Variants in PSD2 observed in about 807,000 individuals in gnomAD.
PSD2 encodes the protein PH and SEC7 domain-containing protein 2.
PSD2 carries 38 observed loss-of-function variants against 69.8 expected under a neutral mutation model. The observed-to-expected ratio is 0.54, with a 90% CI of 0.42 to 0.71. The LOEUF is 0.71. PSD2 is among the 30% of genes least tolerant of loss of function. PSD2 has a pLI of 0.00. For missense variants in PSD2, 943 were observed against 1,014.5 expected, an observed-to-expected ratio of 0.93 and a Z score of 0.96; for synonymous variants, 412 against 423.0, an observed-to-expected ratio of 0.97 and a Z score of 0.32.
At chr5:139,759,437 C>G in the PSD2 span, among the ~76,000 whole-genome samples, 1 of 152,218 alleles carries the variant, frequency 6.6e-6, no homozygotes, top group South Asian at 2.1e-4. Flanking sequence ...CGGGACGCAC[C>G]GTATATCATG....
chr5:139,817,400 C>A, intron 4 of PSD2, 81 bp from the exon 5 acceptor site: 1 of 1,329,708 alleles, frequency 7.5e-7, no homozygotes, highest in Non-Finnish European at 1.1e-6. Context: ...TCCGGGTACC[C>A]TGGGCCCAAG....
the PSD2 span, among the ~76,000 whole-genome samples, chr5:139,748,838 G>A: frequency 6.6e-6 from 1 of 150,848 alleles, no homozygotes; most frequent in Non-Finnish European, 1.5e-5. Flanking sequence ...TCCTGAAAAG[G>A]GAAAAAACAG....
intron 7 of PSD2, among the ~76,000 whole-genome samples, chr5:139,824,123 GC>G (rs1561602285): frequency 6.6e-6 from 1 of 152,200 alleles, no homozygotes; most frequent in Non-Finnish European, 1.5e-5. Flanking sequence ...TTGCTGGCCT[GC>G]TTTGAAAGGA....
At chr5:139,790,088 GGGGCCA>G in the PSD2 span, among the ~76,000 whole-genome samples, 1 of 152,030 alleles carries the variant, frequency 6.6e-6, no homozygotes, top group African/African-American at 2.4e-5. Context: ...AGGAGTGGTG[GGGGCCA>G]GATCTTATGG....
At chr5:139,746,728 G>A in the PSD2 span, among the ~76,000 whole-genome samples, 1 of 152,170 alleles carries the variant, frequency 6.6e-6, no homozygotes, top group African/African-American at 2.4e-5. The surrounding 1 kb of genome is among the most constrained non-coding windows in gnomAD (Gnocchi z 4.5). Context: ...TGTGATGGCC[G>A]CGCAGCACCC....
At chr5:139,791,988 G>C (rs1332213168), upstream of PSD2, among the ~76,000 whole-genome samples, 3 of 152,180 alleles carry the variant, frequency 2.0e-5, no homozygotes, top group African/African-American at 4.8e-5. Context: ...AGCCAAATGA[G>C]AGTGCGTGAA....
intron 7 of PSD2, among the ~76,000 whole-genome samples, chr5:139,823,378 C>T (rs943841956): frequency 1.2e-4 from 19 of 152,230 alleles, no homozygotes; most frequent in African/African-American, 4.6e-4. Flanking sequence ...TGTTGCCCTT[C>T]TGTGTCCCCC....
chr5:139,789,204 C>T, the PSD2 span, among the ~76,000 whole-genome samples: 4 of 152,210 alleles, frequency 2.6e-5, no homozygotes, highest in African/African-American at 4.8e-5. Context: ...CCAACTTCAT[C>T]CAGGCCCTGG....
At chr5:139,748,339 T>C in the PSD2 span, among the ~76,000 whole-genome samples, 1 of 152,140 alleles carries the variant, frequency 6.6e-6, no homozygotes, top group Non-Finnish European at 1.5e-5. Context: ...AAAATACACA[T>C]ATTTGGGCAC....
At chr5:139,803,144 G>A (rs1759715322) in intron 1 of PSD2, among the ~76,000 whole-genome samples, 1 of 152,262 alleles carries the variant, frequency 6.6e-6, no homozygotes, top group Non-Finnish European at 1.5e-5. Context: ...CCTGGCCTTG[G>A]GTGAGGGTGT....
rs1760307383 is a variant in PSD2, at chr5:139,822,858, C to T, written c.1269+74C>T. ...ACCTTGTGTTGATCCCGGCCCCTTC[C>T]TGAGATCTCTTACTCAGTGGCCGGG... On this transcript the variant is annotated intron_variant, in intron 7 of 14. Transcript: ENST00000274710. The T allele has an allele frequency of 1.1e-5, 15 of 1,341,158 alleles. No individual in the cohort carries two copies. In the South Asian group the frequency reaches 1.7e-4, roughly 16 times the overall value. 83.1% of individuals were successfully genotyped at this position (1,341,158 alleles called of 1,614,324 possible).
intron 1 of PSD2, among the ~76,000 whole-genome samples, chr5:139,796,358 G>T (rs1430371282): frequency 3.3e-5 from 5 of 152,252 alleles, no homozygotes; most frequent in Admixed American, 3.3e-4. Context: ...GTGCGTGGGG[G>T]GTGCCAGTGG....
chr5:139,756,359 G>T, the PSD2 span, among the ~76,000 whole-genome samples: 1 of 152,260 alleles, frequency 6.6e-6, no homozygotes, highest in East Asian at 1.9e-4. Flanking sequence ...GAGGGAGTGG[G>T]GTTGGGGAGC....
the PSD2 span, among the ~76,000 whole-genome samples, chr5:139,763,754 G>C: frequency 6.6e-6 from 1 of 152,160 alleles, no homozygotes; most frequent in Non-Finnish European, 1.5e-5. Flanking sequence ...CTCACACCCA[G>C]CCTGCCAGTC....
At chr5:139,800,300 G>A (rs1474537096) in intron 1 of PSD2, among the ~76,000 whole-genome samples, 5 of 152,246 alleles carry the variant, frequency 3.3e-5, no homozygotes, top group Non-Finnish European at 7.3e-5. Flanking sequence ...TGCCCTGACT[G>A]TTCTCACTTT....
chr5:139,809,465 G>T lies in PSD2; in HGVS notation c.25G>T (p.Ala9Ser). Residue 9 changes from alanine to serine, a missense_variant, in exon 2 of 15, where the codon GCA becomes TCA. Around this residue, in one of 3 missense-constraint regions of PSD2, gnomAD observed 466 missense variants for 445.0 expected, o/e 1.05. Transcript: ENST00000274710. The part of the protein sequence containing the change: MEEDKLLS[A>S]VPEEGDATRD... ...CATGGAGGAGGACAAGCTCTTATCTGCAGTGCCTGAGGAAGGCGATGCCAC... is the reference window on the plus strand; with the variant it reads ...CATGGAGGAGGACAAGCTCTTATCTTCAGTGCCTGAGGAAGGCGATGCCAC... 6.2e-7 allele frequency: 1 copy of T among 1,612,266 alleles called. No homozygotes were observed. The highest frequency in any genetic ancestry group is 8.5e-7 in the Non-Finnish European group (1 of 1,179,468).
the PSD2 span, among the ~76,000 whole-genome samples, chr5:139,762,309 T>C: frequency 5.9e-5 from 9 of 151,860 alleles, no homozygotes; most frequent in East Asian, 1.8e-3. Flanking sequence ...TCCCGAAGTG[T>C]TGGGATTACA....
the PSD2 span, among the ~76,000 whole-genome samples, chr5:139,759,926 G>C: frequency 6.6e-6 from 1 of 152,220 alleles, no homozygotes; most frequent in Non-Finnish European, 1.5e-5. Flanking sequence ...AGTTTTGATA[G>C]GGTAACTGAG....
chr5:139,778,788 G>A, the PSD2 span, among the ~76,000 whole-genome samples: 1 of 151,998 alleles, frequency 6.6e-6, no homozygotes, highest in South Asian at 2.1e-4. Flanking sequence ...AATTAGCTGG[G>A]TGTGGTGGCA....
Sources: allele counts gnomAD v4.1 joint callset (sites outside exome capture counted in the v4.1 genomes callset), GRCh38; gene constraint gnomAD v4.1.1; regional missense constraint gnomAD v4.1.1; non-coding constraint Gnocchi (gnomAD v3.1); transcripts MANE v1.5; gene names NCBI Gene and HGNC (gene_info 2026-07-23, HGNC 2026-07-21).